CTNNA2: variants seen among roughly 807,000 people sequenced by gnomAD.
The protein encoded by CTNNA2 is catenin alpha-2.
A neutral mutation model predicts 101.0 loss-of-function variants in CTNNA2; 42 were observed. That is an observed-to-expected ratio of 0.42 (90% CI 0.32 to 0.54). The LOEUF (loss-of-function observed/expected upper bound fraction) is 0.54. Among genes scored for constraint, CTNNA2 ranks in the 20% least tolerant of loss-of-function variants. The pLI is 0.14. For missense variants in CTNNA2, 871 were observed against 1,223.1 expected (o/e 0.71, Z 4.29); for synonymous variants, 450 against 456.4 (o/e 0.99, Z 0.18).
At chr2:79,255,327 T>C (rs1674829714) in intron 2 of CTNNA2, among the ~76,000 whole-genome samples, 1 of 152,210 alleles carries the variant, frequency 6.6e-6, no homozygotes, top group Non-Finnish European at 1.5e-5. Context: ...AGTTGCCATA[T>C]TTCAGAACAG....
chr2:79,737,540 T>C (rs879891961), intron 2 of CTNNA2, among the ~76,000 whole-genome samples: 2 of 152,182 alleles, frequency 1.3e-5, no homozygotes, highest in Non-Finnish European at 2.9e-5. Flanking sequence ...ATTTGCCTTC[T>C]TACAGGAATC....
intron 2 of CTNNA2, among the ~76,000 whole-genome samples, chr2:79,272,411 G>T (rs985538282): frequency 1.3e-5 from 2 of 151,832 alleles, no homozygotes; most frequent in African/African-American, 4.8e-5. Flanking sequence ...AACAAAAATG[G>T]TGTATAATTT....
At chr2:79,945,478 A>G (rs1688433107) in intron 7 of CTNNA2, among the ~76,000 whole-genome samples, 1 of 152,196 alleles carries the variant, frequency 6.6e-6, no homozygotes, top group African/African-American at 2.4e-5. Context: ...TTCGATGTAA[A>G]TATTTCCATT....
chr2:79,363,620 A>G (rs1045822903), intron 3 of CTNNA2, among the ~76,000 whole-genome samples: 1 of 152,082 alleles, frequency 6.6e-6, no homozygotes, highest in Non-Finnish European at 1.5e-5. Context: ...TATATTGTAT[A>G]TAATCAGCTA....
At chr2:80,190,744 C>T (rs1267893045) in intron 7 of CTNNA2, among the ~76,000 whole-genome samples, 1 of 152,158 alleles carries the variant, frequency 6.6e-6, no homozygotes, top group Non-Finnish European at 1.5e-5. Flanking sequence ...GGCCTAAATA[C>T]AGTCCCATAT....
chr2:79,915,011 C>A (rs1160236128), intron 7 of CTNNA2, among the ~76,000 whole-genome samples: 1 of 151,738 alleles, frequency 6.6e-6, no homozygotes, highest in Non-Finnish European at 1.5e-5. Context: ...AAAATAGGAT[C>A]TAAAAAGGTT....
In CTNNA2 at chr2:79,646,782, G is replaced by T. The variant is rs190229440; in HGVS notation, c.-5-4770G>T. Among the ~76,000 whole-genome samples the T allele has an allele frequency of 2.6e-5, 4 of 152,152 alleles. No individual in the cohort carries two copies. In the East Asian group the frequency reaches 7.8e-4, roughly 29 times the overall value. Reference sequence around the variant, plus strand: ...GGGCTCAAGCAGTCCACTCACTGTGGCCTCCCAAAGTGCTGAGATTACAGG... The same window carrying T: ...GGGCTCAAGCAGTCCACTCACTGTGTCCTCCCAAAGTGCTGAGATTACAGG... On this transcript the variant is annotated intron_variant, in intron 1 of 18. Coordinates refer to ENST00000402739, the MANE Select transcript of CTNNA2 (RefSeq NM_001282597.3).
chr2:80,314,036 G>A (rs1677861400), intron 7 of CTNNA2, among the ~76,000 whole-genome samples: 2 of 152,200 alleles, frequency 1.3e-5, no homozygotes, highest in South Asian at 4.1e-4. Context: ...CTCACACTTG[G>A]AGCCAGGAGT....
At chr2:79,627,300 T>C (rs1006208434) in intron 1 of CTNNA2, among the ~76,000 whole-genome samples, 4 of 152,238 alleles carry the variant, frequency 2.6e-5, no homozygotes, top group African/African-American at 9.6e-5. Context: ...ATAAAACAAG[T>C]TACAGTACGA....
At chr2:79,383,693 C>A (rs948359244) in intron 4 of CTNNA2, among the ~76,000 whole-genome samples, 2 of 152,132 alleles carry the variant, frequency 1.3e-5, no homozygotes, top group Non-Finnish European at 2.9e-5. Context: ...AACAAATAAG[C>A]TGGATTTAAG....
intron 3 of CTNNA2, among the ~76,000 whole-genome samples, chr2:79,824,259 C>G (rs914229541): frequency 2.4e-4 from 37 of 152,272 alleles, no homozygotes; most frequent in Middle Eastern, 3.4e-3. Context: ...CACCCAGAGG[C>G]TAAACACCAT....
chr2:80,303,314 C>T lies in CTNNA2; in HGVS notation c.1057-89897C>T. Reference sequence around the variant, plus strand: ...GGGCACAAACTGGATGGCGTTGGCCCGCATATGCAGCGTGGTGAGCTTCCG... The same window carrying T: ...GGGCACAAACTGGATGGCGTTGGCCTGCATATGCAGCGTGGTGAGCTTCCG... On this transcript the variant is annotated intron_variant, in intron 7 of 18. Transcript: ENST00000402739. The surrounding 1 kb of genome is among the most constrained non-coding windows in gnomAD (Gnocchi z 7.7). 1 of 1,613,724 alleles carries T rather than the reference C, an allele frequency of 6.2e-7. No homozygotes were observed. Among genetic ancestry groups the T allele is most frequent in the East Asian group, 2.2e-5 (1 of 44,844 alleles).
At chr2:80,609,114 C>T (rs962782717) in intron 17 of CTNNA2, among the ~76,000 whole-genome samples, 1 of 151,738 alleles carries the variant, frequency 6.6e-6, no homozygotes, top group Admixed American at 6.6e-5. Flanking sequence ...AAATGTGGCT[C>T]TGACACCTTA....
At chr2:80,202,886 C>CA (rs1707292246) in intron 7 of CTNNA2, among the ~76,000 whole-genome samples, 1 of 152,254 alleles carries the variant, frequency 6.6e-6, no homozygotes, top group African/African-American at 2.4e-5. Flanking sequence ...GGGCAATTTA[C>CA]AAAAGCAAGA....
intron 1 of CTNNA2, among the ~76,000 whole-genome samples, chr2:79,600,604 A>G (rs1558762590): frequency 1.3e-5 from 2 of 152,224 alleles, no homozygotes; most frequent in Non-Finnish European, 2.9e-5. Context: ...GAACACGTAG[A>G]AAATATAAAT....
intron 1 of CTNNA2, among the ~76,000 whole-genome samples, chr2:79,586,231 C>T (rs1676478091): frequency 6.6e-6 from 1 of 152,132 alleles, no homozygotes; most frequent in African/African-American, 2.4e-5. Flanking sequence ...TCTTCAAGTA[C>T]TATCAAACTG....
chr2:79,903,659 T>A (rs970269591), intron 6 of CTNNA2, among the ~76,000 whole-genome samples: 1 of 152,076 alleles, frequency 6.6e-6, no homozygotes, highest in Non-Finnish European at 1.5e-5. Flanking sequence ...TTGTGGAGCT[T>A]TTAGACTGCT....
chr2:79,577,102 C>T (rs1253005113), intron 1 of CTNNA2, among the ~76,000 whole-genome samples: 1 of 152,030 alleles, frequency 6.6e-6, no homozygotes, highest in African/African-American at 2.4e-5. Context: ...CCATAGTTCA[C>T]TTGCTTAATT....
intron 3 of CTNNA2, among the ~76,000 whole-genome samples, chr2:79,796,173 T>C (rs1675681235): frequency 6.6e-6 from 1 of 152,132 alleles, no homozygotes; most frequent in South Asian, 2.1e-4. Flanking sequence ...CTTAACACTG[T>C]TAGGACAGAG....
Sources: gnomAD v4.1 joint callset for allele counts (sites outside exome capture counted in the v4.1 genomes callset) on GRCh38, gnomAD v4.1.1 for gene constraint, Gnocchi (gnomAD v3.1) non-coding constraint, MANE v1.5 for transcripts, NCBI Gene and HGNC (gene_info 2026-07-23, HGNC 2026-07-21) for gene names.